Variants in SEC11C observed in about 807,000 individuals in gnomAD.
SEC11C encodes the protein SEC11 homolog C, signal peptidase complex subunit.
SEC11C carries 10 observed loss-of-function variants against 21.9 expected under a neutral mutation model. That is an observed-to-expected ratio of 0.46 (90% CI 0.28 to 0.77). SEC11C has a LOEUF of 0.77. Among genes scored for constraint, SEC11C ranks in the 30% least tolerant of loss-of-function variants. The pLI is 0.12. For missense variants in SEC11C, 145 were observed against 244.5 expected (o/e 0.59, Z 2.71); for synonymous variants, 83 against 85.6 (o/e 0.97, Z 0.17).
intron 2 of SEC11C, among the ~76,000 whole-genome samples, chr18:59,151,213 TC>T (rs2069348330): frequency 6.6e-6 from 1 of 152,220 alleles, no homozygotes. Flanking sequence ...TAGCTGCAGT[TC>T]CCTTAACCGT....
intron 1 of SEC11C, among the ~76,000 whole-genome samples, chr18:59,148,179 A>C (rs951639131): frequency 1.3e-5 from 2 of 152,164 alleles, no homozygotes; most frequent in Non-Finnish European, 2.9e-5. Flanking sequence ...GGCTCTGCAG[A>C]TCACCCCAAC....
chr18:59,155,600 T>C, intron 3 of SEC11C, 88 bp from the exon 4 acceptor site: 1 of 1,404,634 alleles, frequency 7.1e-7, no homozygotes, highest in South Asian at 1.3e-5. Context: ...TGCTCCTGTC[T>C]GACAGTAAAG....
intron 3 of SEC11C, 81 bp downstream of exon 3, chr18:59,152,766 C>A: frequency 8.0e-7 from 1 of 1,254,390 alleles, no homozygotes. Context: ...AGTAAAAGCA[C>A]TGGATTATGT....
intron 1 of SEC11C, chr18:59,147,880 C>CA (rs1408358827): frequency 6.6e-6 from 1 of 152,214 alleles, no homozygotes; most frequent in Non-Finnish European, 1.5e-5. Context: ...AGTGACTGTG[C>CA]ACACTGCATG....
rs944351369 is a variant in SEC11C, at chr18:59,155,620, A to C, written c.348-68A>C. The C allele has an allele frequency of 5.2e-6, 8 of 1,539,170 alleles. No homozygotes were observed. The African/African-American group carries it at 1.1e-4, about 21-fold the overall frequency. ...CTGTCTGACAGTAAAGTCTTGAGTA[A>C]ACTAATATTTTTGTTAATGATGCTG... On this transcript the variant is annotated intron_variant, in intron 3 of 5. Coordinates refer to ENST00000587834, the MANE Select transcript of SEC11C (RefSeq NM_033280.4).
chr18:59,147,956 G>A (rs948348267), intron 1 of SEC11C: 5 of 152,312 alleles, frequency 3.3e-5, no homozygotes, highest in South Asian at 2.1e-4. Flanking sequence ...CGGTCCTCAG[G>A]TGTACACAGA....
At chr18:59,141,239 T>G (rs541869708) in intron 1 of SEC11C, among the ~76,000 whole-genome samples, 1 of 152,296 alleles carries the variant, frequency 6.6e-6, no homozygotes, top group South Asian at 2.1e-4. Context: ...CAACCGTGTT[T>G]AGGATGTGGT....
chr18:59,150,433 GCCTCACCAGGCCGC>G (rs2069334920), intron 2 of SEC11C, among the ~76,000 whole-genome samples: 2 of 152,230 alleles, frequency 1.3e-5, no homozygotes, highest in Admixed American at 1.3e-4. Flanking sequence ...CATGATCCAT[GCCTCACCAGGCCGC>G]CCTCATGTGG....
At chr18:59,144,434 T>C (rs2069246958) in intron 1 of SEC11C, among the ~76,000 whole-genome samples, 1 of 152,230 alleles carries the variant, frequency 6.6e-6, no homozygotes, top group Non-Finnish European at 1.5e-5. Flanking sequence ...CCAGACACTT[T>C]AAATTTCTTA....
At chr18:59,145,780 C>CA (rs1392639369) in intron 1 of SEC11C, among the ~76,000 whole-genome samples, 10 of 152,074 alleles carry the variant, frequency 6.6e-5, no homozygotes. Flanking sequence ...ATGGTGGTCC[C>CA]AAAAAATTAT....
Position 59,158,615 on chromosome 18 carries a change from T to C in SEC11C, c.526-17T>C, listed in dbSNP as rs949859423. On this transcript the variant is annotated splice_polypyrimidine_tract_variant and intron_variant, in intron 5 of 5. Coordinates refer to ENST00000587834, the MANE Select transcript of SEC11C (RefSeq NM_033280.4). Reference sequence around the variant, plus strand: ...TTGTAGACCTCACAGTGATTTTCCATTGTGTTTTCTTTCCAGTATGCTCTT... The same window carrying C: ...TTGTAGACCTCACAGTGATTTTCCACTGTGTTTTCTTTCCAGTATGCTCTT... 1.2e-6 allele frequency: 2 copies of C among 1,611,230 alleles called. No individual in the cohort carries two copies. Among genetic ancestry groups the C allele is most frequent in the African/African-American group, 1.3e-5 (1 of 74,860 alleles).
At chr18:59,155,526 G>T (rs1317127436) in intron 3 of SEC11C, 162 bp from the exon 4 acceptor site, 4 of 597,362 alleles carry the variant, frequency 6.7e-6, no homozygotes, top group Non-Finnish European at 8.4e-6. Context: ...TCAGTTGAAT[G>T]GTTGTCTTAA....
chr18:59,147,224 A>C (rs527480748), intron 1 of SEC11C: 75 of 152,312 alleles, frequency 4.9e-4, no homozygotes, highest in African/African-American at 1.7e-3. Context: ...ACTGTATTTT[A>C]AGTTGTACTC....
intron 1 of SEC11C, chr18:59,147,937 C>T (rs2069296603): frequency 6.6e-6 from 1 of 152,304 alleles, no homozygotes; most frequent in Non-Finnish European, 1.5e-5. Context: ...CTCAGATGTA[C>T]ACAGAACACG....
intron 1 of SEC11C, among the ~76,000 whole-genome samples, chr18:59,143,971 C>T (rs1449332867): frequency 6.6e-6 from 1 of 152,034 alleles, no homozygotes; most frequent in Non-Finnish European, 1.5e-5. Context: ...TGTGCCTCAG[C>T]CTCCCGAGTA....
intron 3 of SEC11C, 87 bp from the exon 4 acceptor site, chr18:59,155,601 G>A: frequency 1.4e-6 from 2 of 1,410,306 alleles, no homozygotes; most frequent in Non-Finnish European, 1.9e-6. Flanking sequence ...GCTCCTGTCT[G>A]ACAGTAAAGT....
At position 59,152,701 on chromosome 18, in the gene SEC11C, T is replaced by A; in HGVS notation, c.347+16T>A. Reference sequence around the variant, plus strand: ...TTCATGAAAAGTAAAGAGGCTTTATTTCCTTTTGGTTTTGTTATGTAAATT... The same window carrying A: ...TTCATGAAAAGTAAAGAGGCTTTATATCCTTTTGGTTTTGTTATGTAAATT... On this transcript the variant is annotated intron_variant, in intron 3 of 5. Coordinates refer to ENST00000587834, the MANE Select transcript of SEC11C (RefSeq NM_033280.4). The A allele has an allele frequency of 6.4e-7, 1 of 1,570,278 alleles. No homozygotes were observed. Among genetic ancestry groups the A allele is most frequent in the South Asian group, 1.2e-5 (1 of 82,778 alleles).
chr18:59,150,599 G>C (rs911066997), intron 2 of SEC11C, among the ~76,000 whole-genome samples: 1 of 152,226 alleles, frequency 6.6e-6, no homozygotes, highest in Non-Finnish European at 1.5e-5. Flanking sequence ...GGTTGGGGTG[G>C]GTAGATTAGG....
intron 5 of SEC11C, among the ~76,000 whole-genome samples, chr18:59,158,120 AT>A (rs2069439255): frequency 6.6e-6 from 1 of 152,084 alleles, no homozygotes; most frequent in Non-Finnish European, 1.5e-5. Flanking sequence ...CAGTGGCACA[AT>A]TTCGGCTCAC....
Sources: allele counts gnomAD v4.1 joint callset (sites outside exome capture counted in the v4.1 genomes callset), GRCh38; gene constraint gnomAD v4.1.1; transcripts MANE v1.5; gene names NCBI Gene and HGNC (gene_info 2026-07-23, HGNC 2026-07-21).